ANK2: variants seen among roughly 807,000 people sequenced by gnomAD.
ANK2 encodes ankyrin 2.
A neutral mutation model predicts 360.5 loss-of-function variants in ANK2; 83 were observed. That is an observed-to-expected ratio of 0.23 (90% CI 0.19 to 0.28). The LOEUF (loss-of-function observed/expected upper bound fraction) is 0.28. Among genes scored for constraint, ANK2 ranks in the 10% least tolerant of loss-of-function variants. The pLI, the probability that ANK2 is intolerant of heterozygous loss-of-function variation, is 1.00. For synonymous variants in ANK2, 1,740 were observed against 1,759.5 expected, an observed-to-expected ratio of 0.99 and a Z score of 0.28; for missense variants, 4,201 against 4,795.7, an observed-to-expected ratio of 0.88 and a Z score of 3.66.
chr4:113,148,520 A>C (rs1022787299), intron 1 of ANK2, among the ~76,000 whole-genome samples: 1 of 152,082 alleles, frequency 6.6e-6, no homozygotes, highest in African/African-American at 2.4e-5. Flanking sequence ...GGTTTTTCGT[A>C]TGAGCTTTTT....
chr4:112,920,471 G>T (rs1054279173), intron 2 of ANK2, among the ~76,000 whole-genome samples: 1 of 152,072 alleles, frequency 6.6e-6, no homozygotes, highest in Non-Finnish European at 1.5e-5. Flanking sequence ...TATACCAGAG[G>T]ATGTAGAATA....
At chr4:113,347,665 A>G (rs1273131529) in intron 35 of ANK2, 1 of 152,852 alleles carries the variant, frequency 6.5e-6, no homozygotes, top group Non-Finnish European at 1.5e-5. Context: ...TTGAAAATAT[A>G]CCTTAGTATT....
chr4:112,841,713 G>A (rs552922474), intron 1 of ANK2, among the ~76,000 whole-genome samples: 48 of 152,184 alleles, frequency 3.2e-4, no homozygotes, highest in African/African-American at 1.1e-3. Context: ...ATCATTCTTA[G>A]GTATAGGTTT....
rs1220044464 is a variant in ANK2 at position 113,356,021 on chromosome 4, C to G, written c.7403C>G (p.Ser2468Cys). The change falls in exon 38 of 46, where the codon TCT becomes TGT. Residue 2468 changes from serine to cysteine, a missense_variant. Transcript: ENST00000357077. ...CTGAAAGAATCCCCTTGCCGTGACT[C>G]TCTGGAAAGCAGCCCTGTTGAACCA... ...SPLKESPCRD[S>C]LESSPVEPKM... The G allele has an allele frequency of 6.2e-7, 1 of 1,614,138 alleles. No homozygotes were observed. The highest frequency in any genetic ancestry group is 2.2e-5 in the East Asian group (1 of 44,876).
chr4:113,030,538 A>C (rs1220530646), intron 2 of ANK2, among the ~76,000 whole-genome samples: 1 of 152,092 alleles, frequency 6.6e-6, no homozygotes, highest in East Asian at 1.9e-4. Flanking sequence ...AATCCTATAC[A>C]GAAAAGTGTG....
chr4:113,287,680 G>A lies in ANK2; in HGVS notation c.2155G>A (p.Ala719Thr). Residue 719 changes from alanine to threonine, a missense_variant, in exon 19 of 46, where the codon GCT (alanine) becomes ACT (threonine). Physicochemically the swap from Ala to Thr is moderately conservative, Grantham distance 58. Around this residue, in one of 4 missense-constraint regions of ANK2, gnomAD observed 1,268 missense variants for 1,650.8 expected, o/e 0.77. Transcript: ENST00000357077. ...TGCTGATATTCTCACCAAGCATGGA[G>A]CTGATCAGGATGCTCATACAAAGGT... Reference protein sequence around the residue: ...NVADILTKHGADQDAHTKLGY... With the variant: ...NVADILTKHGTDQDAHTKLGY... 6.2e-7 allele frequency: 1 copy of A among 1,612,668 alleles called. No homozygotes were observed. Among genetic ancestry groups the A allele is most frequent in the South Asian group, 1.1e-5 (1 of 91,060 alleles).
Position 113,345,945 on chromosome 4 carries a change from A to G in ANK2, c.4294A>G (p.Lys1432Glu), listed in dbSNP as rs752150265. The G allele has an allele frequency of 4.3e-6, 7 of 1,613,716 alleles. No individual in the cohort carries two copies. Among genetic ancestry groups the G allele is most frequent in the Non-Finnish European group, 5.9e-6 (7 of 1,179,682 alleles). Residue 1432 changes from lysine to glutamate, a missense_variant, in exon 35 of 46, where the codon AAG becomes GAG. Around this residue, in one of 4 missense-constraint regions of ANK2, gnomAD observed 1,268 missense variants for 1,650.8 expected, o/e 0.77. Coordinates refer to ENST00000357077, the MANE Select transcript of ANK2 (RefSeq NM_001148.6). ...QEPCGRLSFM[K>E]EPKSTRGLVH... ...ACCTTGCGGACGACTATCATTTATG[A>G]AGGAGCCAAAATCCACGAGAGGCCT...
At position 113,013,287 on chromosome 4, in the gene ANK2, A is replaced by G. The variant is rs1415084995; in HGVS notation, c.21+108773A>G. 3.9e-5 allele frequency among the ~76,000 whole-genome samples: 6 copies of G among 152,310 alleles called. No individual in the cohort carries two copies. In the East Asian group the frequency reaches 5.8e-4, roughly 15 times the overall value. On this transcript the variant is annotated intron_variant, in intron 2 of 30. Coordinates refer to the ANK2 transcript ENST00000503271. ...TTGATTCGGTAGTCCCTACCTAGTC[A>G]AAGATCATTTCCATCTGACTCTTCC...
At chr4:112,841,699 C>A (rs1297877932) in intron 1 of ANK2, among the ~76,000 whole-genome samples, 5 of 152,170 alleles carry the variant, frequency 3.3e-5, no homozygotes, top group Admixed American at 3.3e-4. Flanking sequence ...ATCTTACTGA[C>A]CGAATCATTC....
At chr4:113,073,408 CTAGAA>C (rs910174692) in intron 1 of ANK2, among the ~76,000 whole-genome samples, 1 of 152,066 alleles carries the variant, frequency 6.6e-6, no homozygotes, top group African/African-American at 2.4e-5. Flanking sequence ...AAAAAGAACA[CTAGAA>C]TAGAGAATAG....
At chr4:112,898,683 C>T (rs1291270167) in intron 1 of ANK2, among the ~76,000 whole-genome samples, 2 of 152,122 alleles carry the variant, frequency 1.3e-5, no homozygotes, top group Non-Finnish European at 2.9e-5. Flanking sequence ...TTAAAATTAA[C>T]TTGAGAAAAG....
In ANK2 at chr4:113,357,626, T is replaced by G. The variant is rs1412988750; in HGVS notation, c.9008T>G (p.Leu3003Trp). ...ATGGAATCCCAACAGGAAAGTACCT[T>G]GTGGGAAATGCAATCAGACAGTGTC... Reference protein sequence around the residue: ...IKMESQQESTLWEMQSDSVSS... With the variant: ...IKMESQQESTWWEMQSDSVSS... Residue 3003 changes from leucine to tryptophan, a missense_variant, in exon 38 of 46, where the codon TTG becomes TGG. By Grantham distance (61) the Leu-to-Trp change is moderately conservative. This residue lies in a region of ANK2 where 2,642 missense variants were observed against 2,714.5 expected (regional missense o/e 0.97). Transcript: ENST00000357077. 1.2e-6 allele frequency: 2 copies of G among 1,614,134 alleles called. No homozygotes were observed. The highest frequency in any genetic ancestry group is 1.7e-6 in the Non-Finnish European group (2 of 1,179,984).
chr4:112,961,359 A>G (rs2034722912), intron 2 of ANK2, among the ~76,000 whole-genome samples: 1 of 152,138 alleles, frequency 6.6e-6, no homozygotes, highest in Admixed American at 6.5e-5. Context: ...AGTAACAATT[A>G]TTTATTGTTT....
intron 2 of ANK2, among the ~76,000 whole-genome samples, chr4:112,967,984 G>A (rs1221143914): frequency 6.6e-6 from 1 of 152,102 alleles, no homozygotes; most frequent in African/African-American, 2.4e-5. Context: ...GTATTTGATA[G>A]TTGATTACTT....
chr4:112,706,295 A>G, the ANK2 span, among the ~76,000 whole-genome samples: 1 of 151,876 alleles, frequency 6.6e-6, no homozygotes, highest in Non-Finnish European at 1.5e-5. Context: ...CTCAACCCCA[A>G]TGCGGCGGCT....
At chr4:113,090,147 C>A (rs1323015761) in intron 1 of ANK2, among the ~76,000 whole-genome samples, 3 of 152,148 alleles carry the variant, frequency 2.0e-5, no homozygotes, top group Admixed American at 6.5e-5. Context: ...ATTCCTAACT[C>A]AAAAGACTTT....
At chr4:113,365,925 A>G (rs540925150) in intron 41 of ANK2, among the ~76,000 whole-genome samples, 376 of 152,246 alleles carry the variant, frequency 2.5e-3, no homozygotes, top group African/African-American at 8.8e-3. Context: ...CACTTTTCTA[A>G]AGCCATCATC....
At chr4:113,120,273 CA>C (rs1027980206) in intron 1 of ANK2, among the ~76,000 whole-genome samples, 16 of 152,104 alleles carry the variant, frequency 1.1e-4, no homozygotes, top group East Asian at 3.8e-4. Context: ...TGGAATTTTA[CA>C]AAAATCAGAA....
rs188086313 is a variant in ANK2, at chr4:113,212,510, G to T, written c.384+13401G>T. On this transcript the variant is annotated intron_variant, in intron 4 of 45. Transcript: ENST00000357077. ...TTTTTAAGACTTTAAAATGGCCAGCGATCTCTTTTGACATTGACTGAGGTA... is the reference window on the plus strand; with the variant it reads ...TTTTTAAGACTTTAAAATGGCCAGCTATCTCTTTTGACATTGACTGAGGTA... Among the ~76,000 whole-genome samples, 63 of 152,230 alleles carry T rather than the reference G, an allele frequency of 4.1e-4. No individual in the cohort carries two copies. The East Asian group carries it at 0.012, about 29-fold the overall frequency.
Sources: gnomAD v4.1 joint callset for allele counts (sites outside exome capture counted in the v4.1 genomes callset) on GRCh38, gnomAD v4.1.1 for gene constraint, gnomAD v4.1.1 regional missense constraint, MANE v1.5 for transcripts, NCBI Gene and HGNC (gene_info 2026-07-23, HGNC 2026-07-21) for gene names.